The following CHRNA1 variants were observed in gnomAD, a reference collection of about 807,000 sequenced individuals.
The protein encoded by CHRNA1 is cholinergic receptor nicotinic alpha 1 subunit, also known as acetylcholine receptor subunit alpha.
A neutral mutation model predicts 47.1 loss-of-function variants in CHRNA1; 35 were observed. The observed-to-expected ratio is 0.74, with a 90% CI of 0.57 to 0.99. CHRNA1 has a LOEUF of 0.99. CHRNA1 is among the 50% of genes least tolerant of loss of function. The probability of loss-of-function intolerance (pLI) is 0.00; values close to 1 mark genes in which losing one functional copy is unlikely to be tolerated. For synonymous variants in CHRNA1, 229 were observed against 223.6 expected (o/e 1.02, Z -0.22); for missense variants, 506 against 591.1 (o/e 0.86, Z 1.49).
intron 1 of CHRNA1, among the ~76,000 whole-genome samples, chr2:174,763,799 C>A (rs1684140865): frequency 7.1e-6 from 1 of 140,500 alleles, no homozygotes; most frequent in African/African-American, 2.6e-5. Context: ...TTTTTAACTT[C>A]AGAAATTTTG....
At chr2:174,757,501 T>G (rs1183777114) in intron 4 of CHRNA1, 65 bp downstream of exon 4, 2 of 1,171,204 alleles carry the variant, frequency 1.7e-6, no homozygotes, top group African/African-American at 3.0e-5. Flanking sequence ...GCGCAGCCCT[T>G]CTATTAGGGC....
rs149559302 is a variant in CHRNA1 at position 174,753,282 on chromosome 2, A to C, written c.778+221T>G. 2.9e-4 allele frequency: 198 copies of C among 693,956 alleles called. 3 individuals carry two copies. The East Asian group carries it at 5.1e-3, about 18-fold the overall frequency. 43.0% of individuals were successfully genotyped at this position (693,956 alleles called of 1,614,324 possible). A position where few individuals can be genotyped will look rare whatever the true frequency, so the allele number is the denominator to read the frequency against. On this transcript the variant is annotated intron_variant, in intron 6 of 8. Transcript: ENST00000348749. ...AGCTACACTGTGCATCTCTAGGGTCATGTTCAACTCCCTGCCGCTCGGGGT... is the reference window on the plus strand; with the variant it reads ...AGCTACACTGTGCATCTCTAGGGTCCTGTTCAACTCCCTGCCGCTCGGGGT...
At chr2:174,759,752 A>AG in intron 1 of CHRNA1, 119 bp from the exon 2 acceptor site, 9 of 1,327,162 alleles carry the variant, frequency 6.8e-6, no homozygotes, top group African/African-American at 1.5e-5. Flanking sequence ...GAAGGCACAC[A>AG]GGCCTCCTTG....
intron 6 of CHRNA1, among the ~76,000 whole-genome samples, chr2:174,750,516 C>T (rs1477768838): frequency 6.6e-6 from 1 of 152,060 alleles, no homozygotes; most frequent in Non-Finnish European, 1.5e-5. Flanking sequence ...TTCCAGTCTC[C>T]AGAACTGTGA....
Position 174,747,967 on chromosome 2 carries a change from C to A in CHRNA1, c.*157G>T. ...AAGCAATATGAAAACACTTCAAGGC[C>A]ATAAACTTACATAAAGGTAAATCTT... On this transcript the variant is annotated 3_prime_UTR_variant, in exon 9 of 9. Transcript: ENST00000348749. 1.0e-6 allele frequency: 1 copy of A among 956,862 alleles called. No homozygotes were observed. The highest frequency in any genetic ancestry group is 1.6e-6 in the Non-Finnish European group (1 of 627,278). 59.3% of individuals were successfully genotyped at this position (956,862 alleles called of 1,614,324 possible).
chr2:174,758,429 T>G (rs1483363337), intron 3 of CHRNA1, among the ~76,000 whole-genome samples: 1 of 151,878 alleles, frequency 6.6e-6, no homozygotes, highest in East Asian at 1.9e-4. Context: ...TAATACAGGT[T>G]GAGGATCCCA....
At position 174,757,249 on chromosome 2, in the gene CHRNA1, C is replaced by T. The variant is rs76529518; in HGVS notation, c.344+317G>A. On this transcript the variant is annotated intron_variant, in intron 4 of 8. Transcript: ENST00000348749. ...CTGGATTCAATTTGGCCGCAGTAATCCCTTCTCTTTAAGTCATGAGACACC... is the reference window on the plus strand; with the variant it reads ...CTGGATTCAATTTGGCCGCAGTAATTCCTTCTCTTTAAGTCATGAGACACC... 0.019 allele frequency among the ~76,000 whole-genome samples: 2,917 copies of T among 152,254 alleles called. 104 individuals are homozygous for T. The highest frequency in any genetic ancestry group is 0.067 in the African/African-American group (2,800 of 41,532).
chr2:174,750,263 T>C, intron 6 of CHRNA1, 94 bp from the exon 7 acceptor site: 2 of 923,464 alleles, frequency 2.2e-6, no homozygotes, highest in Non-Finnish European at 3.4e-6. Context: ...TATGTGGAAG[T>C]CCTGAGTCCT....
rs1683927864 is a variant in CHRNA1 at position 174,754,355 on chromosome 2, T to G, written c.404A>C (p.His135Pro). Reference protein sequence around the residue: ...FTKVLLQYTGHITWTPPAIFK... With the variant: ...FTKVLLQYTGPITWTPPAIFK... ...GATGGCTGGAGGTGTCCACGTGATG[T>G]GGCCAGTGTACTGCAGGAGCACTTT... The change falls in exon 5 of 9, where the codon CAC becomes CCC. Residue 135 changes from histidine to proline, a missense_variant. Coordinates refer to ENST00000348749, the MANE Select transcript of CHRNA1 (RefSeq NM_000079.4). 6.2e-7 allele frequency: 1 copy of G among 1,614,178 alleles called. No individual in the cohort carries two copies. The highest frequency in any genetic ancestry group is 8.5e-7 in the Non-Finnish European group (1 of 1,180,034).
intron 1 of CHRNA1, among the ~76,000 whole-genome samples, chr2:174,761,288 C>T (rs370278089): frequency 2.0e-5 from 3 of 152,106 alleles, no homozygotes; most frequent in Admixed American, 6.5e-5. Flanking sequence ...CCTTCATTCA[C>T]GTAACCAGAT....
At chr2:174,755,670 A>G (rs923692092) in intron 4 of CHRNA1, among the ~76,000 whole-genome samples, 3 of 152,124 alleles carry the variant, frequency 2.0e-5, no homozygotes, top group Non-Finnish European at 4.4e-5. Context: ...TGCCCGCCTC[A>G]GCCTCCCAAA....
intron 4 of CHRNA1, 123 bp from the exon 5 acceptor site, chr2:174,754,537 G>A (rs561635903): frequency 2.2e-5 from 18 of 831,878 alleles, no homozygotes; most frequent in Admixed American, 2.0e-4. Context: ...GCTCTGTTTC[G>A]GGCAGCGTCA....
At chr2:174,758,078 A>G in intron 3 of CHRNA1, 6 of 1,612,842 alleles carry the variant, frequency 3.7e-6, no homozygotes, top group Non-Finnish European at 4.2e-6. Context: ...CAAGCAGGCA[A>G]CATCATTTTT....
intron 4 of CHRNA1, among the ~76,000 whole-genome samples, chr2:174,756,440 G>A (rs1683981887): frequency 1.3e-5 from 2 of 152,094 alleles, no homozygotes; most frequent in African/African-American, 4.8e-5. Context: ...AAACTATGTG[G>A]CATTGGACCC....
rs555000579 is a variant in CHRNA1 at position 174,749,125 on chromosome 2, A to G, written c.1003-306T>C. Among the ~76,000 whole-genome samples the G allele has an allele frequency of 5.3e-4, 81 of 152,344 alleles. No homozygotes were observed. The South Asian group carries it at 0.017, about 31-fold the overall frequency. On this transcript the variant is annotated intron_variant, in intron 7 of 8. Coordinates refer to ENST00000348749, the MANE Select transcript of CHRNA1 (RefSeq NM_000079.4). ...GAGCTTAAAAGCGTCAGGATCCCCT[A>G]CAGGTATGGAAAATGCCTTAGCAAT...
In CHRNA1 at chr2:174,753,487, T is replaced by C. The variant is rs1315551740; in HGVS notation, c.778+16A>G. On this transcript the variant is annotated intron_variant, in intron 6 of 8. Transcript: ENST00000348749. ...CCATCAGCGTCAGCAGCAGCAGTCA[T>C]GGCAACCACACCCACCTGAGTCTGT... The C allele has an allele frequency of 5.0e-6, 8 of 1,609,722 alleles. No homozygotes were observed. Among genetic ancestry groups the C allele is most frequent in the East Asian group, 4.5e-5 (2 of 44,872 alleles).
chr2:174,757,680 A>C lies in CHRNA1; in HGVS notation c.235-5T>G. The C allele has an allele frequency of 1.2e-6, 2 of 1,611,198 alleles. No homozygotes were observed. The highest frequency in any genetic ancestry group is 1.7e-6 in the Non-Finnish European group (2 of 1,177,324). On this transcript the variant is annotated splice_polypyrimidine_tract_variant and splice_region_variant and intron_variant, in intron 3 of 8. Coordinates refer to ENST00000348749, the MANE Select transcript of CHRNA1 (RefSeq NM_000079.4). Reference sequence around the variant, plus strand: ...TAGGTTGTAATCCACCCATTGCTAGAAACAAAGACATACAGCTAATTAAAA... The same window carrying C: ...TAGGTTGTAATCCACCCATTGCTAGCAACAAAGACATACAGCTAATTAAAA...
chr2:174,748,229 T>C lies in CHRNA1; in HGVS notation c.1269A>G (p.Ala423=), dbSNP rs761249168. Residue 423 remains alanine, a synonymous_variant, in exon 9 of 9, where the codon GCA becomes GCG. Coordinates refer to ENST00000348749, the MANE Select transcript of CHRNA1 (RefSeq NM_000079.4). The part of the protein sequence containing the change: ...NNAAAEWKYV[A]MVMDHILLGV... ...CGAGGAGTATGTGGTCCATCACCATTGCAACGTACTTCCACTCTGCCGCCG... is the reference window on the plus strand; with the variant it reads ...CGAGGAGTATGTGGTCCATCACCATCGCAACGTACTTCCACTCTGCCGCCG... 1.2e-6 allele frequency: 2 copies of C among 1,614,050 alleles called. No homozygotes were observed. Among genetic ancestry groups the C allele is most frequent in the African/African-American group, 2.7e-5 (2 of 74,908 alleles).
At chr2:174,759,118 C>T (rs916616841) in intron 3 of CHRNA1, among the ~76,000 whole-genome samples, 2 of 152,066 alleles carry the variant, frequency 1.3e-5, no homozygotes, top group African/African-American at 4.8e-5. Flanking sequence ...ACAGTTATGG[C>T]AGCCCTAGCA....
Sources: gnomAD v4.1 joint callset for allele counts (sites outside exome capture counted in the v4.1 genomes callset) on GRCh38, gnomAD v4.1.1 for gene constraint, MANE v1.5 for transcripts, NCBI Gene and HGNC (gene_info 2026-07-23, HGNC 2026-07-21) for gene names.